SELENOT: variants seen among roughly 807,000 people sequenced by gnomAD.
SELENOT encodes the protein selenoprotein T, also known as thioredoxin reductase-like selenoprotein T.
Under a neutral mutation model 24.3 loss-of-function variants are expected in SELENOT, and 9 were observed. The ratio of observed to expected loss-of-function variants is 0.37; its 90% CI spans 0.22 to 0.65. The LOEUF (loss-of-function observed/expected upper bound fraction) is 0.65, where lower values mean the gene tolerates loss of function less well. SELENOT is among the 30% of genes least tolerant of loss of function. The probability of loss-of-function intolerance (pLI) is 0.60; values close to 1 mark genes in which losing one functional copy is unlikely to be tolerated. For synonymous variants in SELENOT, 81 were observed against 86.0 expected, an observed-to-expected ratio of 0.94 and a Z score of 0.32; for missense variants, 166 against 247.6, an observed-to-expected ratio of 0.67 and a Z score of 2.21.
chr3:150,625,360 C>T (rs2108015105), intron 4 of SELENOT, among the ~76,000 whole-genome samples: 1 of 152,122 alleles, frequency 6.6e-6, no homozygotes, highest in East Asian at 1.9e-4. Context: ...CCTCCTTTGA[C>T]ATTTCTCATT....
chr3:150,611,471 A>G, intron 1 of SELENOT: 1 of 1,190,436 alleles, frequency 8.4e-7, no homozygotes, highest in Non-Finnish European at 1.3e-6. Flanking sequence ...TGTAATTGGT[A>G]TAAATCAACC....
chr3:150,628,827 A>G lies in SELENOT; in HGVS notation c.*1198A>G, dbSNP rs886609735. 34 of 152,216 alleles carry G rather than the reference A, an allele frequency of 2.2e-4. No individual in the cohort carries two copies. Among genetic ancestry groups the G allele is most frequent in the African/African-American group, 8.0e-4 (33 of 41,468 alleles). The allele number at this position is 152,216 out of a possible 1,614,324, so 9.4% of individuals were successfully genotyped here. A position where few individuals can be genotyped will look rare whatever the true frequency, so the allele number is the denominator to read the frequency against. ...GCAGTAATAACATACTTCAGCTTCC[A>G]TATAGGAATAGAAGTGGTAGAGCCA... On this transcript the variant is annotated 3_prime_UTR_variant, in exon 6 of 6. Coordinates refer to ENST00000471696, the MANE Select transcript of SELENOT (RefSeq NM_016275.5).
chr3:150,618,483 G>T (rs1559897406), intron 1 of SELENOT, among the ~76,000 whole-genome samples: 1 of 152,190 alleles, frequency 6.6e-6, no homozygotes, highest in South Asian at 2.1e-4. Flanking sequence ...ACTCCAATTA[G>T]CAGCAAATGT....
At chr3:150,626,426 G>T (rs901005183) in intron 4 of SELENOT, among the ~76,000 whole-genome samples, 31 of 152,070 alleles carry the variant, frequency 2.0e-4, no homozygotes, top group African/African-American at 6.5e-4. Flanking sequence ...CTGCATTTAG[G>T]CTACAAGAGT....
At chr3:150,619,868 AG>A (rs943544278) in intron 1 of SELENOT, among the ~76,000 whole-genome samples, 51 of 152,360 alleles carry the variant, frequency 3.3e-4, no homozygotes, top group Middle Eastern at 3.4e-3. Flanking sequence ...GCAATTATAT[AG>A]GAAAAAGGGT....
chr3:150,605,270 A>G (rs1006809809), intron 1 of SELENOT, among the ~76,000 whole-genome samples: 2 of 152,102 alleles, frequency 1.3e-5, no homozygotes, highest in Non-Finnish European at 2.9e-5. Context: ...TCTGTATCCT[A>G]CTTTTATCTC....
intron 1 of SELENOT, among the ~76,000 whole-genome samples, chr3:150,609,508 C>T (rs1726037465): frequency 6.6e-6 from 1 of 152,124 alleles, no homozygotes. Flanking sequence ...CACTACATGC[C>T]TGGCCAATTT....
rs1049408373 is a variant in SELENOT at position 150,624,903 on chromosome 3, G to A, written c.463+4G>A. 26 of 1,497,646 alleles carry A rather than the reference G, an allele frequency of 1.7e-5. No individual in the cohort carries two copies. Among genetic ancestry groups the A allele is most frequent in the Non-Finnish European group, 2.3e-5 (26 of 1,107,940 alleles). 92.8% of individuals were successfully genotyped at this position (1,497,646 alleles called of 1,614,324 possible). A position where few individuals can be genotyped will look rare whatever the true frequency, so the allele number is the denominator to read the frequency against. ...GCATTTGAGATAACTTTAAATGGTA[G>A]GTTCTGAATAGTTTGCATTTTGTGA... On this transcript the variant is annotated splice_donor_region_variant and intron_variant, in intron 4 of 5. Transcript: ENST00000471696.
At chr3:150,620,318 T>C (rs1726311074) in intron 1 of SELENOT, among the ~76,000 whole-genome samples, 1 of 152,184 alleles carries the variant, frequency 6.6e-6, no homozygotes, top group Admixed American at 6.5e-5. Flanking sequence ...AGGTACCCGA[T>C]GGTGGCATTG....
chr3:150,618,376 CAAT>C (rs1726265025), intron 1 of SELENOT, among the ~76,000 whole-genome samples: 1 of 152,162 alleles, frequency 6.6e-6, no homozygotes, highest in South Asian at 2.1e-4. Flanking sequence ...TATTTTGTAA[CAAT>C]AAATATCTGA....
At chr3:150,622,968 A>C (rs1037880087) in intron 2 of SELENOT, 75 bp from the exon 3 acceptor site, 26 of 1,309,194 alleles carry the variant, frequency 2.0e-5, no homozygotes, top group Non-Finnish European at 2.4e-5. Flanking sequence ...ATCTTTACAT[A>C]CACTTGAATT....
chr3:150,627,234 T>C, intron 5 of SELENOT, 71 bp downstream of exon 5: 1 of 1,121,368 alleles, frequency 8.9e-7, no homozygotes, highest in Non-Finnish European at 1.3e-6. Context: ...TTAGTAAATA[T>C]TACATATATT....
intron 1 of SELENOT, among the ~76,000 whole-genome samples, chr3:150,617,625 C>T (rs534758037): frequency 2.0e-5 from 3 of 152,226 alleles, no homozygotes; most frequent in Non-Finnish European, 2.9e-5. Context: ...TTAGAAGCCA[C>T]GTTAGGCTCA....
chr3:150,612,570 T>A (rs887705526), intron 1 of SELENOT, among the ~76,000 whole-genome samples: 2 of 152,206 alleles, frequency 1.3e-5, no homozygotes, highest in Non-Finnish European at 2.9e-5. Context: ...GTCTATTTGC[T>A]CAATTATAAA....
At chr3:150,626,631 T>C (rs1332546038) in intron 4 of SELENOT, among the ~76,000 whole-genome samples, 2 of 152,208 alleles carry the variant, frequency 1.3e-5, no homozygotes, top group Non-Finnish European at 2.9e-5. Context: ...GTCTTTACAT[T>C]TCTGTTCTCT....
At chr3:150,611,721 G>A in intron 1 of SELENOT, 3 of 1,579,992 alleles carry the variant, frequency 1.9e-6, no homozygotes, top group Non-Finnish European at 8.6e-7. Context: ...AGGCAGCACA[G>A]TTGCCAGGAG....
intron 1 of SELENOT, among the ~76,000 whole-genome samples, chr3:150,621,799 A>G (rs954673826): frequency 1.3e-5 from 2 of 152,022 alleles, no homozygotes; most frequent in Non-Finnish European, 2.9e-5. Context: ...GAAGGGTTCT[A>G]AGTCTAAGTT....
intron 1 of SELENOT, among the ~76,000 whole-genome samples, chr3:150,620,768 T>C (rs755737689): frequency 6.6e-6 from 1 of 152,230 alleles, no homozygotes; most frequent in African/African-American, 2.4e-5. Flanking sequence ...TGGGCATTGA[T>C]ATCAGGTGGC....
At chr3:150,618,646 C>T (rs1160681589) in intron 1 of SELENOT, 1 of 154,150 alleles carries the variant, frequency 6.5e-6, no homozygotes, top group East Asian at 1.9e-4. Flanking sequence ...CTCAGCCTCC[C>T]CAGTAGCTGG....
Sources: allele counts gnomAD v4.1 joint callset (sites outside exome capture counted in the v4.1 genomes callset), GRCh38; gene constraint gnomAD v4.1.1; transcripts MANE v1.5; gene names NCBI Gene and HGNC (gene_info 2026-07-23, HGNC 2026-07-21).